The following SPHKAP variants were observed in gnomAD, a reference collection of about 807,000 sequenced individuals.
SPHKAP encodes the protein SPHK1 interactor, AKAP domain containing.
In SPHKAP, 67 loss-of-function variants were observed where a neutral mutation model predicts 137.5. That is an observed-to-expected ratio of 0.49 (90% CI 0.40 to 0.60). The LOEUF is 0.60. Among genes scored for constraint, SPHKAP ranks in the 20% least tolerant of loss-of-function variants. SPHKAP has a pLI of 0.00. For missense variants in SPHKAP, 2,097 were observed against 2,069.3 expected (o/e 1.01, Z -0.26); for synonymous variants, 813 against 785.3 (o/e 1.04, Z -0.59).
intron 3 of SPHKAP, among the ~76,000 whole-genome samples, chr2:228,077,831 T>G (rs1463885335): frequency 1.3e-5 from 2 of 152,150 alleles, no homozygotes; most frequent in Non-Finnish European, 2.9e-5. Context: ...TGATATAGTT[T>G]GGCTGTGTCC....
chr2:228,044,668 AAAGT>A (rs1350529681), intron 3 of SPHKAP, among the ~76,000 whole-genome samples: 1 of 152,242 alleles, frequency 6.6e-6, no homozygotes, highest in African/African-American at 2.4e-5. Flanking sequence ...ATACATAGAA[AAAGT>A]AATTGGAGAA....
rs1693397958 is a variant in SPHKAP at position 227,991,146 on chromosome 2, G to C, written c.4813C>G (p.Gln1605Glu). 6.2e-7 allele frequency: 1 copy of C among 1,614,098 alleles called. No homozygotes were observed. Among genetic ancestry groups the C allele is most frequent in the South Asian group, 1.1e-5 (1 of 91,080 alleles). Residue 1605 changes from glutamine (Q) to glutamate (E), a missense_variant, in exon 11 of 12, where the codon CAG (glutamine) becomes GAG (glutamate). Physicochemically the swap from Gln to Glu is conservative, Grantham distance 29 (BLOSUM62 2). Transcript: ENST00000392056. ...AAGTTGATCACCAGCAGGCTCCTCT[G>C]GGGGCTGGCTGTTCCCGTAGGCGGT... ...SGPPTGTASP[Q>E]RSLLVINFDL... is the part of the protein sequence containing the mutation.
rs148640565 is a variant in SPHKAP, at chr2:227,981,013, G to A, written c.*704C>T. On this transcript the variant is annotated 3_prime_UTR_variant, in exon 12 of 12. Transcript: ENST00000392056. ...CATGTTACACAAGTAATACAGTGAT[G>A]GAAACAAGACAATCTTTTATCTTCC... 1.5e-3 allele frequency: 213 copies of A among 146,888 alleles called. No individual in the cohort carries two copies. Among genetic ancestry groups the A allele is most frequent in the African/African-American group, 5.0e-3 (199 of 40,098 alleles). The allele number at this position is 146,888 out of a possible 1,614,324, so 9.1% of individuals were successfully genotyped here. A position where few individuals can be genotyped will look rare whatever the true frequency, so the allele number is the denominator to read the frequency against.
At chr2:228,074,298 G>A (rs76850518) in intron 3 of SPHKAP, among the ~76,000 whole-genome samples, 2,460 of 152,160 alleles carry the variant, frequency 0.016, 33 homozygotes, top group Middle Eastern at 0.031. Flanking sequence ...TAATGCCCAC[G>A]TATTAGTCTG....
At chr2:228,173,698 T>A (rs1173177834) in intron 1 of SPHKAP, among the ~76,000 whole-genome samples, 2 of 152,178 alleles carry the variant, frequency 1.3e-5, no homozygotes, top group Non-Finnish European at 2.9e-5. Context: ...CTTGATTTTA[T>A]CCCAGTGAGA....
rs1694772611 is a variant in SPHKAP at position 228,019,981 on chromosome 2, TGTTAG to T, written c.868_872del (p.Leu290LysfsTer38). On this transcript the variant is annotated frameshift_variant, in exon 7 of 12. Transcript: ENST00000392056. LOFTEE classifies it high-confidence loss of function. ...CTAGACTCTGCAAGGCTGTGTTCTT[TGTTAG>T]GTTTTCTGGAGATCGTTCTGTTTTA... 1 of 1,614,128 alleles carries T rather than the reference TGTTAG, an allele frequency of 6.2e-7. No individual in the cohort carries two copies. The highest frequency in any genetic ancestry group is 8.5e-7 in the Non-Finnish European group (1 of 1,180,054).
At chr2:228,064,155 A>G (rs1696749878) in intron 3 of SPHKAP, among the ~76,000 whole-genome samples, 1 of 152,238 alleles carries the variant, frequency 6.6e-6, no homozygotes, top group African/African-American at 2.4e-5. Context: ...GAATACCAGA[A>G]TTCTATCACT....
chr2:227,988,005 A>C (rs1291437387), intron 11 of SPHKAP, among the ~76,000 whole-genome samples: 4 of 152,220 alleles, frequency 2.6e-5, no homozygotes. Flanking sequence ...GCTGATGAGA[A>C]GCTAATGAGA....
rs1208275221 is a variant in SPHKAP, at chr2:228,063,170, A to ATCTG, written c.247-35628_247-35627insCAGA. Among the ~76,000 whole-genome samples, 268 of 139,408 alleles carry ATCTG rather than the reference A, an allele frequency of 1.9e-3. 3 individuals are homozygous for ATCTG. Among genetic ancestry groups the ATCTG allele is most frequent in the East Asian group, 0.018 (89 of 4,928 alleles). The allele number at this position is 139,408 out of a possible 152,430, so 91.5% of individuals were successfully genotyped here. ...TATCTATCTATCTATCTATCTATCT[A>ATCTG]TCTATCTGTCTGTCTGTCTGTCTGT... is the stretch of plus-strand genomic sequence containing the variant. On this transcript the variant is annotated intron_variant, in intron 3 of 11. Transcript: ENST00000392056.
chr2:227,996,405 T>G (rs940771292), intron 7 of SPHKAP, among the ~76,000 whole-genome samples: 2 of 152,200 alleles, frequency 1.3e-5, no homozygotes, highest in African/African-American at 4.8e-5. Context: ...CTCCCTGGCC[T>G]CCTGTGAATT....
At chr2:228,031,025 G>C (rs10164825) in intron 3 of SPHKAP, among the ~76,000 whole-genome samples, 58,198 of 152,022 alleles carry the variant, frequency 0.38, 11,598 homozygotes, top group South Asian at 0.51. Flanking sequence ...GAGTGCCAGA[G>C]AGTGGATGCA....
intron 2 of SPHKAP, among the ~76,000 whole-genome samples, chr2:228,114,898 C>G (rs543286853): frequency 1.3e-5 from 2 of 152,248 alleles, no homozygotes; most frequent in East Asian, 3.9e-4. Flanking sequence ...AACAAGCACT[C>G]TGACTGTGAT....
chr2:228,144,683 T>C (rs1223571290), intron 1 of SPHKAP, among the ~76,000 whole-genome samples: 1 of 152,174 alleles, frequency 6.6e-6, no homozygotes, highest in Non-Finnish European at 1.5e-5. Context: ...AAACAGGAAA[T>C]GTGAAATTCT....
intron 1 of SPHKAP, among the ~76,000 whole-genome samples, chr2:228,155,211 G>T (rs1389692709): frequency 6.6e-6 from 1 of 151,672 alleles, no homozygotes; most frequent in Non-Finnish European, 1.5e-5. Context: ...TCATTCAGCA[G>T]TTACCATTGT....
At chr2:228,010,498 C>T (rs951716833) in intron 7 of SPHKAP, among the ~76,000 whole-genome samples, 5 of 152,162 alleles carry the variant, frequency 3.3e-5, no homozygotes, top group African/African-American at 1.2e-4. Context: ...CACCACTGCA[C>T]TCTAGCCTGG....
chr2:228,017,267 C>T lies in SPHKAP; in HGVS notation c.3587G>A (p.Arg1196Lys), dbSNP rs763752247. 6.2e-7 allele frequency: 1 copy of T among 1,614,072 alleles called. No homozygotes were observed. Among genetic ancestry groups the T allele is most frequent in the Non-Finnish European group, 8.5e-7 (1 of 1,180,020 alleles). Residue 1196 changes from arginine to lysine, a missense_variant, in exon 7 of 12, where the codon AGG (arginine) becomes AAG (lysine). Transcript: ENST00000392056. ...STESITEEFY[R>K]YMLRDIERDS... ...TCTTTCGATGTCCCTCAGCATGTAC[C>T]TGTAGAACTCCTCAGTGATGCTCTC... is the stretch of plus-strand genomic sequence containing the variant.
chr2:228,142,817 T>A (rs1222642670), intron 1 of SPHKAP, among the ~76,000 whole-genome samples: 1 of 152,254 alleles, frequency 6.6e-6, no homozygotes, highest in East Asian at 1.9e-4. Context: ...TTTATCTATA[T>A]AACAAACCTT....
At chr2:228,082,530 T>C (rs1274252960) in intron 3 of SPHKAP, among the ~76,000 whole-genome samples, 2 of 152,240 alleles carry the variant, frequency 1.3e-5, no homozygotes, top group Non-Finnish European at 2.9e-5. Flanking sequence ...ATAAAAAGCA[T>C]GTGCATTTGT....
At chr2:228,090,960 T>C (rs751319276) in intron 3 of SPHKAP, among the ~76,000 whole-genome samples, 4 of 152,176 alleles carry the variant, frequency 2.6e-5, no homozygotes, top group Non-Finnish European at 5.9e-5. Context: ...TCCTTTATAA[T>C]GACAGAAGAG....
Sources: gnomAD v4.1 joint callset for allele counts (sites outside exome capture counted in the v4.1 genomes callset) on GRCh38, gnomAD v4.1.1 for gene constraint, MANE v1.5 for transcripts, NCBI Gene and HGNC (gene_info 2026-07-23, HGNC 2026-07-21) for gene names.